Variants in MYO5B observed in about 807,000 individuals in gnomAD.
MYO5B encodes myosin VB.
MYO5B carries 143 observed loss-of-function variants against 229.3 expected under a neutral mutation model. That is an observed-to-expected ratio of 0.62 (90% CI 0.54 to 0.72). The LOEUF (loss-of-function observed/expected upper bound fraction) is 0.72, where lower values mean the gene tolerates loss of function less well. Ranked by LOEUF, MYO5B falls within the 30% of genes least tolerant of loss-of-function variation. The pLI, the probability that MYO5B is intolerant of heterozygous loss-of-function variation, is 0.00. For missense variants in MYO5B, 2,321 were observed against 2,331.0 expected (o/e 1.00, Z 0.09); for synonymous variants, 918 against 885.2 (o/e 1.04, Z -0.66).
chr18:50,157,071 T>C (rs1356874208), intron 1 of MYO5B, among the ~76,000 whole-genome samples: 2 of 150,186 alleles, frequency 1.3e-5, no homozygotes, highest in Non-Finnish European at 3.0e-5. Flanking sequence ...AAATCAACAA[T>C]GGATATCCTT....
At chr18:50,131,328 C>T (rs1310080621) in intron 1 of MYO5B, among the ~76,000 whole-genome samples, 1 of 152,220 alleles carries the variant, frequency 6.6e-6, no homozygotes, top group Non-Finnish European at 1.5e-5. Flanking sequence ...AAACATCCCA[C>T]TCCATCCAAG....
At chr18:50,022,049 T>C (rs1440892789) in intron 4 of MYO5B, among the ~76,000 whole-genome samples, 5 of 152,286 alleles carry the variant, frequency 3.3e-5, no homozygotes, top group African/African-American at 9.6e-5. Context: ...AGGTTCCAGA[T>C]TAACTCTTTG....
At chr18:50,056,216 G>T (rs1019206780) in intron 1 of MYO5B, among the ~76,000 whole-genome samples, 1 of 152,194 alleles carries the variant, frequency 6.6e-6, no homozygotes, top group African/African-American at 2.4e-5. Context: ...AGTGATACAG[G>T]ATTAACTGTC....
intron 4 of MYO5B, among the ~76,000 whole-genome samples, chr18:50,002,199 C>T (rs1568066044): frequency 6.6e-6 from 1 of 152,154 alleles, no homozygotes; most frequent in Non-Finnish European, 1.5e-5. Context: ...CCAGCAGATA[C>T]AGTTTTGAAC....
chr18:49,890,770 G>A (rs1322380389), intron 22 of MYO5B, among the ~76,000 whole-genome samples: 1 of 152,162 alleles, frequency 6.6e-6, no homozygotes, highest in Admixed American at 6.5e-5. Flanking sequence ...CCTAGGTAGG[G>A]ACAATACCTT....
chr18:49,983,823 G>A (rs114888210), intron 8 of MYO5B, among the ~76,000 whole-genome samples: 1,893 of 152,258 alleles, frequency 0.012, 39 homozygotes, highest in African/African-American at 0.043. Flanking sequence ...GCAAATAAGG[G>A]TCTGGTTGCC....
chr18:50,157,444 A>G (rs1408093861), intron 1 of MYO5B, among the ~76,000 whole-genome samples: 2 of 151,518 alleles, frequency 1.3e-5, no homozygotes, highest in East Asian at 3.9e-4. Context: ...TCTCTTTCCA[A>G]CCTCTCTCAA....
intron 24 of MYO5B, among the ~76,000 whole-genome samples, chr18:49,878,441 T>C (rs4939909): frequency 0.2 from 30,123 of 152,064 alleles, 3,233 homozygotes; most frequent in East Asian, 0.41. Flanking sequence ...CTGGCTTCTA[T>C]GCAATTAACT....
At position 50,069,829 on chromosome 18, in the gene MYO5B, C is replaced by G. The variant is rs562581737; in HGVS notation, c.28-14451G>C. 2.0e-5 allele frequency among the ~76,000 whole-genome samples: 3 copies of G among 152,164 alleles called. No individual in the cohort carries two copies. The East Asian group carries it at 5.8e-4, about 29-fold the overall frequency. On this transcript the variant is annotated intron_variant, in intron 1 of 39. Coordinates refer to ENST00000285039, the MANE Select transcript of MYO5B (RefSeq NM_001080467.3). Reference sequence around the variant, plus strand: ...TCTTTCTACTTCTCCAAGCCCAACCCAATATTCAAGTTTAATTGAAGAGTT... The same window carrying G: ...TCTTTCTACTTCTCCAAGCCCAACCGAATATTCAAGTTTAATTGAAGAGTT...
intron 4 of MYO5B, among the ~76,000 whole-genome samples, chr18:50,027,648 T>C (rs2026345612): frequency 6.6e-6 from 1 of 152,182 alleles, no homozygotes; most frequent in African/African-American, 2.4e-5. Context: ...TGTTTAGTTC[T>C]ACCAGATTAA....
chr18:50,187,878 A>AG (rs1319608998), intron 1 of MYO5B, among the ~76,000 whole-genome samples: 5 of 152,102 alleles, frequency 3.3e-5, no homozygotes, highest in Admixed American at 2.6e-4. Flanking sequence ...CTGTCACTAG[A>AG]GGGGGGCAGG....
At position 49,836,892 on chromosome 18, in the gene MYO5B, C is replaced by A; in HGVS notation, c.5139-7G>T. ...AAGCTGACTTATATTGTACCTTAGC[C>A]ATAGGTAGAAAGCAAGCTATGTTAA... On this transcript the variant is annotated splice_polypyrimidine_tract_variant and splice_region_variant and intron_variant, in intron 37 of 39. Transcript: ENST00000285039. 1.9e-6 allele frequency: 3 copies of A among 1,613,798 alleles called. No individual in the cohort carries two copies. The highest frequency in any genetic ancestry group is 2.5e-6 in the Non-Finnish European group (3 of 1,179,816).
intron 26 of MYO5B, among the ~76,000 whole-genome samples, chr18:49,874,405 T>C (rs1048166574): frequency 6.6e-6 from 1 of 152,218 alleles, no homozygotes; most frequent in African/African-American, 2.4e-5. Flanking sequence ...TTTTCATAGA[T>C]TTGATTTGCA....
chr18:49,931,812 G>T (rs2025196078), intron 16 of MYO5B, among the ~76,000 whole-genome samples: 1 of 152,190 alleles, frequency 6.6e-6, no homozygotes, highest in South Asian at 2.1e-4. Flanking sequence ...CCTGCAGCAT[G>T]AAGGCAGAGC....
intron 39 of MYO5B, among the ~76,000 whole-genome samples, chr18:49,830,218 A>G (rs1568600143): frequency 1.3e-5 from 2 of 152,184 alleles, no homozygotes; most frequent in African/African-American, 2.4e-5. Context: ...AATAAAAAAA[A>G]ACACATAAAA....
chr18:49,846,783 G>A (rs1441469438), intron 33 of MYO5B, among the ~76,000 whole-genome samples: 1 of 152,130 alleles, frequency 6.6e-6, no homozygotes, highest in Admixed American at 6.5e-5. Context: ...CCAAAAGCAT[G>A]AGCTTCCATC....
chr18:50,181,694 G>A (rs531727515), intron 1 of MYO5B, among the ~76,000 whole-genome samples: 48 of 152,300 alleles, frequency 3.2e-4, no homozygotes, highest in African/African-American at 1.1e-3. Flanking sequence ...GGTGCAGGAT[G>A]TAGCATGCTG....
At chr18:50,031,505 T>C (rs1425383220) in intron 4 of MYO5B, among the ~76,000 whole-genome samples, 2 of 152,230 alleles carry the variant, frequency 1.3e-5, no homozygotes, top group African/African-American at 2.4e-5. Flanking sequence ...ACCAATCATA[T>C]GCACTGGGGT....
intron 5 of MYO5B, among the ~76,000 whole-genome samples, chr18:49,997,267 TAAAAAAAAAAAAAAAAA>T (rs58927375): frequency 7.9e-5 from 8 of 101,186 alleles, no homozygotes; most frequent in Admixed American, 2.2e-4. Context: ...GTCCTGTCTT[TAAAAAAAAAAAAAAAAA>T]AAAAAAAAAA....
Sources: allele counts gnomAD v4.1 joint callset (sites outside exome capture counted in the v4.1 genomes callset), GRCh38; gene constraint gnomAD v4.1.1; transcripts MANE v1.5; gene names NCBI Gene and HGNC (gene_info 2026-07-23, HGNC 2026-07-21).